Variants in FUT8 observed in about 807,000 individuals in gnomAD.
The protein encoded by FUT8 is alpha-(1,6)-fucosyltransferase.
A neutral mutation model predicts 71.3 loss-of-function variants in FUT8; 29 were observed. That is an observed-to-expected ratio of 0.41 (90% CI 0.30 to 0.55). The LOEUF is 0.55. Ranked by LOEUF, FUT8 falls within the 20% of genes least tolerant of loss-of-function variation. FUT8 has a pLI of 0.34. For missense variants in FUT8, 544 were observed against 702.1 expected (o/e 0.77, Z 2.55); for synonymous variants, 254 against 239.3 (o/e 1.06, Z -0.57).
intron 1 of FUT8, among the ~76,000 whole-genome samples, chr14:65,449,803 T>C (rs1370670050): frequency 6.6e-6 from 1 of 152,250 alleles, no homozygotes; most frequent in Non-Finnish European, 1.5e-5. Context: ...CATCTCCCTG[T>C]TTGAAGTCCA....
intron 2 of FUT8, among the ~76,000 whole-genome samples, chr14:65,462,103 A>G (rs1294776137): frequency 3.3e-5 from 5 of 152,222 alleles, no homozygotes; most frequent in Admixed American, 6.5e-5. Context: ...TAGTTCTCAC[A>G]TTCTGAAGTT....
chr14:65,534,741 G>C (rs1018209730), intron 2 of FUT8, among the ~76,000 whole-genome samples: 2 of 151,574 alleles, frequency 1.3e-5, no homozygotes, highest in African/African-American at 4.8e-5. Context: ...CTGGTTATTT[G>C]TATTTCTGTC....
intron 6 of FUT8, among the ~76,000 whole-genome samples, chr14:65,641,932 TTGTC>T (rs1890862184): frequency 6.7e-6 from 1 of 149,400 alleles, no homozygotes; most frequent in Non-Finnish European, 1.5e-5. Flanking sequence ...TATGAGTCCT[TTGTC>T]TGATGTGTGT....
chr14:65,721,531 T>C (rs1406932546), intron 7 of FUT8, among the ~76,000 whole-genome samples: 1 of 152,214 alleles, frequency 6.6e-6, no homozygotes, highest in East Asian at 1.9e-4. Context: ...TATGATAGCA[T>C]GTTATGATAG....
At chr14:65,482,921 C>A (rs1345206618) in intron 2 of FUT8, among the ~76,000 whole-genome samples, 1 of 152,140 alleles carries the variant, frequency 6.6e-6, no homozygotes, top group Non-Finnish European at 1.5e-5. Flanking sequence ...AGTGTCAACC[C>A]ACATTGGCTT....
At position 65,610,474 on chromosome 14, in the gene FUT8, CTG is replaced by C. The variant is rs1229997627; in HGVS notation, c.204-5502_204-5501del. 4.0e-5 allele frequency among the ~76,000 whole-genome samples: 6 copies of C among 151,470 alleles called. No individual in the cohort carries two copies. In the East Asian group the frequency reaches 1.2e-3, roughly 29 times the overall value. On this transcript the variant is annotated intron_variant, in intron 3 of 10. Transcript: ENST00000673929. ...GCACAATCTCGGCTCACCACAGCCT[CTG>C]TCTCCCAGGTTCAAGCAATTCTCCT...
intron 5 of FUT8, among the ~76,000 whole-genome samples, chr14:65,623,739 C>T (rs192535682): frequency 3.9e-5 from 6 of 151,990 alleles, no homozygotes; most frequent in Non-Finnish European, 8.8e-5. Context: ...ACAACAACAA[C>T]AAGTTATATT....
chr14:65,428,596 C>T (rs2065423199), intron 1 of FUT8, among the ~76,000 whole-genome samples: 1 of 152,108 alleles, frequency 6.6e-6, no homozygotes, highest in Non-Finnish European at 1.5e-5. Flanking sequence ...GATGATTCAG[C>T]AATGAACAAA....
intron 2 of FUT8, among the ~76,000 whole-genome samples, chr14:65,546,893 T>A (rs1885014701): frequency 6.6e-6 from 1 of 151,756 alleles, no homozygotes; most frequent in Non-Finnish European, 1.5e-5. Flanking sequence ...TTCAACTTCC[T>A]TAAGCTTTAA....
chr14:65,721,723 G>A (rs376657713), intron 7 of FUT8, 52 bp from the exon 8 acceptor site: 9 of 1,571,916 alleles, frequency 5.7e-6, no homozygotes, highest in South Asian at 2.2e-5. Flanking sequence ...GTTGAATGGT[G>A]GATGTATAAG....
intron 7 of FUT8, among the ~76,000 whole-genome samples, chr14:65,688,349 G>GT (rs992782070): frequency 6.6e-5 from 10 of 150,678 alleles, no homozygotes; most frequent in African/African-American, 1.5e-4. Context: ...TACATTATGT[G>GT]TTTTTTTTCT....
intron 1 of FUT8, among the ~76,000 whole-genome samples, chr14:65,455,251 C>G (rs2065880140): frequency 1.3e-5 from 2 of 152,114 alleles, no homozygotes; most frequent in African/African-American, 4.8e-5. Context: ...AGGGGAAATA[C>G]AAAAGATTTT....
intron 1 of FUT8, among the ~76,000 whole-genome samples, chr14:65,426,298 G>A (rs2065386872): frequency 1.3e-5 from 2 of 151,638 alleles, no homozygotes; most frequent in South Asian, 2.1e-4. Context: ...AGTGTAAAGG[G>A]GAGGCAAACT....
At chr14:65,653,648 A>G (rs1449457744) in intron 6 of FUT8, among the ~76,000 whole-genome samples, 1 of 152,240 alleles carries the variant, frequency 6.6e-6, no homozygotes, top group Non-Finnish European at 1.5e-5. Flanking sequence ...TAGAGGAACA[A>G]TTTGAATGAC....
chr14:65,449,158 T>G (rs2004635337), intron 1 of FUT8, among the ~76,000 whole-genome samples: 1 of 152,234 alleles, frequency 6.6e-6, no homozygotes, highest in African/African-American at 2.4e-5. Flanking sequence ...AGTACTAGTT[T>G]ATGTTGATGA....
chr14:65,501,649 C>G (rs932336645), intron 2 of FUT8, among the ~76,000 whole-genome samples: 8 of 152,172 alleles, frequency 5.3e-5, no homozygotes, highest in Non-Finnish European at 1.2e-4. Flanking sequence ...TTCAGTATTA[C>G]AAAGATGAGT....
At chr14:65,429,914 A>G (rs985706145) in intron 1 of FUT8, among the ~76,000 whole-genome samples, 1 of 151,078 alleles carries the variant, frequency 6.6e-6, no homozygotes, top group Non-Finnish European at 1.5e-5. Flanking sequence ...TAAAGCAGCT[A>G]CAAAAGTTGA....
chr14:65,436,851 A>G (rs2065569554), intron 1 of FUT8, among the ~76,000 whole-genome samples: 1 of 152,168 alleles, frequency 6.6e-6, no homozygotes, highest in African/African-American at 2.4e-5. Flanking sequence ...ATTAGGTTCC[A>G]TGGAAAATTT....
At chr14:65,548,176 T>C (rs997145862) in intron 2 of FUT8, among the ~76,000 whole-genome samples, 5 of 152,130 alleles carry the variant, frequency 3.3e-5, no homozygotes, top group Non-Finnish European at 4.4e-5. Context: ...GGTCCTTTTT[T>C]AGTATCATTT....
Sources: gnomAD v4.1 joint callset for allele counts (sites outside exome capture counted in the v4.1 genomes callset) on GRCh38, gnomAD v4.1.1 for gene constraint, MANE v1.5 for transcripts, NCBI Gene and HGNC (gene_info 2026-07-23, HGNC 2026-07-21) for gene names.